The following CSMD1 variants were observed in gnomAD, a reference collection of about 807,000 sequenced individuals.
CSMD1 encodes the protein CUB and sushi domain-containing protein 1.
In CSMD1, 213 loss-of-function variants were observed where a neutral mutation model predicts 417.5. The ratio of observed to expected loss-of-function variants is 0.51; its 90% CI spans 0.46 to 0.57. The LOEUF (loss-of-function observed/expected upper bound fraction) is 0.57, where lower values mean the gene tolerates loss of function less well. CSMD1 is among the 20% of genes least tolerant of loss of function. CSMD1 has a pLI of 0.00. For synonymous variants in CSMD1, 2,862 were observed against 1,736.8 expected (o/e 1.65, Z -16.11); for missense variants, 6,923 against 4,529.7 (o/e 1.53, Z -15.17).
chr8:4,540,049 C>T (rs1271647404), intron 2 of CSMD1, among the ~76,000 whole-genome samples: 4 of 152,148 alleles, frequency 2.6e-5, no homozygotes, highest in Non-Finnish European at 5.9e-5. Context: ...AGCTGAACCT[C>T]CCCCGGCTTC....
intron 2 of CSMD1, among the ~76,000 whole-genome samples, chr8:4,433,943 T>G (rs1798009264): frequency 6.6e-6 from 1 of 152,140 alleles, no homozygotes; most frequent in African/African-American, 2.4e-5. Context: ...ACTTGTAGAA[T>G]TGAGGTTTAT....
chr8:3,811,413 T>A (rs1440939399), intron 5 of CSMD1, among the ~76,000 whole-genome samples: 1 of 152,212 alleles, frequency 6.6e-6, no homozygotes, highest in Non-Finnish European at 1.5e-5. Flanking sequence ...TAGTAAGGCA[T>A]TTGCTTCATG....
chr8:3,879,706 G>A (rs1806075215), intron 5 of CSMD1, among the ~76,000 whole-genome samples: 1 of 150,340 alleles, frequency 6.7e-6, no homozygotes, highest in Non-Finnish European at 1.5e-5. Context: ...AAAATGAAAG[G>A]CTAACTCCTA....
intron 57 of CSMD1, among the ~76,000 whole-genome samples, chr8:2,970,987 CCTCT>C (rs1158977886): frequency 2.6e-5 from 4 of 152,020 alleles, no homozygotes; most frequent in South Asian, 2.1e-4. Flanking sequence ...ACTTTTTCTC[CCTCT>C]GTCTCTCTAA....
chr8:4,955,735 C>T (rs937201042), intron 1 of CSMD1, among the ~76,000 whole-genome samples: 54 of 152,268 alleles, frequency 3.5e-4, no homozygotes, highest in Non-Finnish European at 6.0e-4. Flanking sequence ...GGATTACAGG[C>T]GTGAGCCACC....
At chr8:3,975,903 G>A (rs1453215487) in intron 5 of CSMD1, among the ~76,000 whole-genome samples, 1 of 152,070 alleles carries the variant, frequency 6.6e-6, no homozygotes, top group Non-Finnish European at 1.5e-5. Context: ...GCAAATGAGT[G>A]AATGTATTAG....
chr8:4,099,258 T>C (rs756535458), intron 3 of CSMD1, among the ~76,000 whole-genome samples: 1 of 151,896 alleles, frequency 6.6e-6, no homozygotes, highest in Non-Finnish European at 1.5e-5. Context: ...AGTGTCTTTC[T>C]TTGTTCTGTT....
intron 8 of CSMD1, among the ~76,000 whole-genome samples, chr8:3,597,437 C>G (rs1340112010): frequency 1.0e-5 from 1 of 99,718 alleles, no homozygotes; most frequent in Non-Finnish European, 1.9e-5. Context: ...TCAATGCAAG[C>G]CCCAAGACCT....
intron 5 of CSMD1, among the ~76,000 whole-genome samples, chr8:3,889,834 A>T (rs946976366): frequency 1.1e-4 from 16 of 152,136 alleles, no homozygotes; most frequent in African/African-American, 3.9e-4. Context: ...TCTTTTGACT[A>T]TTTTGTATTC....
chr8:4,352,574 A>C (rs1193462154), intron 3 of CSMD1, among the ~76,000 whole-genome samples: 4 of 152,228 alleles, frequency 2.6e-5, no homozygotes, highest in Admixed American at 1.3e-4. Context: ...TTTTCCATGT[A>C]ACTTCATTTT....
chr8:3,623,490 G>C (rs7015502), intron 7 of CSMD1, among the ~76,000 whole-genome samples: 8,551 of 152,200 alleles, frequency 0.056, 447 homozygotes, highest in East Asian at 0.29. Context: ...CTATATGAGT[G>C]AATAATCAGA....
At chr8:3,771,342 C>T (rs2407039) in intron 5 of CSMD1, among the ~76,000 whole-genome samples, 50,459 of 151,918 alleles carry the variant, frequency 0.33, 8,747 homozygotes, top group Admixed American at 0.39. Flanking sequence ...CAAAGAAGAA[C>T]GCTTAGAAAT....
At chr8:3,849,840 G>C (rs993127566) in intron 5 of CSMD1, among the ~76,000 whole-genome samples, 2 of 152,092 alleles carry the variant, frequency 1.3e-5, no homozygotes, top group African/African-American at 4.8e-5. Context: ...TTTTGTGATG[G>C]AGTCTCGCTC....
At chr8:4,549,191 T>A (rs1191563788) in intron 2 of CSMD1, among the ~76,000 whole-genome samples, 2 of 152,140 alleles carry the variant, frequency 1.3e-5, no homozygotes, top group African/African-American at 4.8e-5. Context: ...GCTGACTTGA[T>A]TTCTGGAAAT....
intron 47 of CSMD1, among the ~76,000 whole-genome samples, chr8:3,094,164 G>T (rs569727497): frequency 6.6e-6 from 1 of 151,786 alleles, no homozygotes; most frequent in East Asian, 1.9e-4. Flanking sequence ...GGAGTGCAAT[G>T]GTACAATCTC....
intron 6 of CSMD1, among the ~76,000 whole-genome samples, chr8:3,743,006 C>A (rs1796891443): frequency 1.3e-5 from 2 of 152,184 alleles, no homozygotes; most frequent in Non-Finnish European, 2.9e-5. Context: ...TCCACGCCAC[C>A]CTTGGAACAT....
chr8:4,775,598 C>G (rs531182381), intron 1 of CSMD1, among the ~76,000 whole-genome samples: 8 of 152,112 alleles, frequency 5.3e-5, no homozygotes, highest in Admixed American at 2.0e-4. Context: ...TTTTAAGCAA[C>G]TAATCAATGT....
Position 4,786,103 on chromosome 8 carries a change from C to CAA in CSMD1, c.86-148547_86-148546dup, listed in dbSNP as rs35255696. On this transcript the variant is annotated intron_variant, in intron 1 of 69. Transcript: ENST00000635120. ...TGGCTACTGTGCAGATGTGTAAGAC[C>CAA]AAAAAAAATAAATATCCTGTTTGCT... 0.013 allele frequency among the ~76,000 whole-genome samples: 2,039 copies of CAA among 151,594 alleles called. 94 individuals carry two copies. In the East Asian group the frequency reaches 0.19, roughly 14 times the overall value.
intron 41 of CSMD1, among the ~76,000 whole-genome samples, chr8:3,120,149 A>C (rs1004773613): frequency 2.0e-5 from 3 of 152,202 alleles, no homozygotes; most frequent in Non-Finnish European, 2.9e-5. Context: ...TGTGTTCAGG[A>C]CCTGAGAAAA....
Sources: gnomAD v4.1 joint callset for allele counts (sites outside exome capture counted in the v4.1 genomes callset) on GRCh38, gnomAD v4.1.1 for gene constraint, MANE v1.5 for transcripts, NCBI Gene and HGNC (gene_info 2026-07-23, HGNC 2026-07-21) for gene names.